Variants in ADK observed in about 807,000 individuals in gnomAD.
ADK encodes the protein adenosine kinase.
Under a neutral mutation model 44.7 loss-of-function variants are expected in ADK, and 24 were observed. That is an observed-to-expected ratio of 0.54 (90% CI 0.39 to 0.76). The LOEUF is 0.76. Among genes scored for constraint, ADK ranks in the 30% least tolerant of loss-of-function variants. The pLI is 0.00. For missense variants in ADK, 321 were observed against 425.1 expected (o/e 0.76, Z 2.15); for synonymous variants, 128 against 142.6 (o/e 0.90, Z 0.73).
intron 7 of ADK, among the ~76,000 whole-genome samples, chr10:74,532,024 A>G (rs1849305568): frequency 1.3e-5 from 2 of 152,238 alleles, no homozygotes; most frequent in South Asian, 4.1e-4. Context: ...AAATTCTTCA[A>G]ATAATTTTAG....
intron 7 of ADK, among the ~76,000 whole-genome samples, chr10:74,537,650 G>T (rs1292244260): frequency 6.6e-6 from 1 of 151,814 alleles, no homozygotes; most frequent in Non-Finnish European, 1.5e-5. Context: ...GCCTTTCAAG[G>T]CTCCATAATC....
intron 1 of ADK, among the ~76,000 whole-genome samples, chr10:74,191,572 G>A (rs1842953305): frequency 6.6e-6 from 1 of 152,046 alleles, no homozygotes; most frequent in Non-Finnish European, 1.5e-5. Flanking sequence ...TAATATATCT[G>A]TTTTTATATC....
chr10:74,378,508 A>G (rs949868435), intron 4 of ADK, among the ~76,000 whole-genome samples: 3 of 152,194 alleles, frequency 2.0e-5, no homozygotes, highest in East Asian at 3.8e-4. Context: ...GAATATCACC[A>G]GAATAAATTT....
Position 74,406,742 on chromosome 10 carries a change from G to A in ADK, c.555+8163G>A, listed in dbSNP as rs1037770762. ...GTCACCCAGGCTGGAGTGCAGTGGTGCAATCTTGGCTCACTGCAACCCCCG... is the reference window on the plus strand; with the variant it reads ...GTCACCCAGGCTGGAGTGCAGTGGTACAATCTTGGCTCACTGCAACCCCCG... On this transcript the variant is annotated intron_variant, in intron 6 of 10. Coordinates refer to ENST00000539909, the MANE Select transcript of ADK (RefSeq NM_006721.4). Among the ~76,000 whole-genome samples the A allele has an allele frequency of 3.2e-4, 49 of 151,450 alleles. No individual in the cohort carries two copies. The Middle Eastern group carries it at 0.014, about 42-fold the overall frequency.
In ADK at chr10:74,365,362, A is replaced by G. The variant is rs186210182; in HGVS notation, c.274-28779A>G. On this transcript the variant is annotated intron_variant, in intron 4 of 10. Transcript: ENST00000539909. ...TACCTATTCTGGAGGTTTCATATACATGAAATCATCACTATATGTGACCTT... is the reference window on the plus strand; with the variant it reads ...TACCTATTCTGGAGGTTTCATATACGTGAAATCATCACTATATGTGACCTT... Among the ~76,000 whole-genome samples the G allele has an allele frequency of 3.9e-5, 6 of 152,310 alleles. No individual in the cohort carries two copies. The East Asian group carries it at 1.2e-3, about 29-fold the overall frequency.
chr10:74,207,880 A>G (rs1049448132), intron 2 of ADK, among the ~76,000 whole-genome samples: 2 of 152,036 alleles, frequency 1.3e-5, no homozygotes, highest in African/African-American at 4.8e-5. Context: ...GCTGCCATCA[A>G]TCATGTTGTC....
intron 4 of ADK, among the ~76,000 whole-genome samples, chr10:74,374,142 G>A (rs371977662): frequency 4.6e-5 from 7 of 152,166 alleles, no homozygotes; most frequent in South Asian, 2.1e-4. Context: ...TGAGGTTTTC[G>A]GAAGTGATGA....
intron 1 of ADK, among the ~76,000 whole-genome samples, chr10:74,181,489 T>C (rs768362185): frequency 2.2e-4 from 34 of 152,224 alleles, no homozygotes; most frequent in Non-Finnish European, 4.9e-4. Flanking sequence ...TGATAGAACA[T>C]ATTTGATAAA....
At position 74,606,829 on chromosome 10, in the gene ADK, G is replaced by A. The variant is rs978117677; in HGVS notation, c.877+6336G>A. Among the ~76,000 whole-genome samples, 8 of 152,194 alleles carry A rather than the reference G, an allele frequency of 5.3e-5. No individual in the cohort carries two copies. The East Asian group carries it at 9.7e-4, about 18-fold the overall frequency. On this transcript the variant is annotated intron_variant, in intron 9 of 10. Coordinates refer to ENST00000539909, the MANE Select transcript of ADK (RefSeq NM_006721.4). ...TCGTTGATCTAATATTGACAGTGGG[G>A]TGTTAAAATCTCCCACTATTATTGT...
chr10:74,655,262 C>A (rs548859645), intron 9 of ADK: 13 of 453,904 alleles, frequency 2.9e-5, no homozygotes, highest in African/African-American at 2.5e-4. Flanking sequence ...CAGAAGTGAT[C>A]CAGTCTCACT....
intron 9 of ADK, among the ~76,000 whole-genome samples, chr10:74,633,850 A>G (rs1278690934): frequency 6.6e-6 from 1 of 152,184 alleles, no homozygotes; most frequent in Admixed American, 6.5e-5. Context: ...TAGCATGCCT[A>G]AAAGTTGGTA....
At chr10:74,606,202 T>C (rs1852318895) in intron 9 of ADK, among the ~76,000 whole-genome samples, 1 of 152,208 alleles carries the variant, frequency 6.6e-6, no homozygotes, top group African/African-American at 2.4e-5. Context: ...AGCTCCTGGA[T>C]TCATTGATTT....
chr10:74,218,849 A>G (rs1844171838), intron 2 of ADK, among the ~76,000 whole-genome samples: 1 of 152,216 alleles, frequency 6.6e-6, no homozygotes, highest in Non-Finnish European at 1.5e-5. Context: ...GGCCTGCCCT[A>G]AAAGAGCTCC....
Position 74,525,269 on chromosome 10 carries a change from C to T in ADK, c.569C>T (p.Thr190Ile), listed in dbSNP as rs1564772773. ...TTCTTCATCCAGGGCTTTTTTCTTA[C>T]AGTTTCCCCAGAGTCAGTATTAAAG... Reference protein sequence around the residue: ...RVCYIAGFFLTVSPESVLKVA... With the variant: ...RVCYIAGFFLIVSPESVLKVA... The change falls in exon 7 of 11, where the codon ACA becomes ATA. Residue 190 changes from threonine (T) to isoleucine (I), a missense_variant. By Grantham distance (89) the Thr-to-Ile change is moderately conservative (BLOSUM62 -1). Transcript: ENST00000539909. The T allele has an allele frequency of 1.9e-6, 3 of 1,613,678 alleles. No homozygotes were observed. The highest frequency in any genetic ancestry group is 2.5e-6 in the Non-Finnish European group (3 of 1,179,826).
chr10:74,436,432 A>G (rs1564721221), intron 6 of ADK, among the ~76,000 whole-genome samples: 1 of 151,882 alleles, frequency 6.6e-6, no homozygotes, highest in African/African-American at 2.4e-5. Flanking sequence ...AGTGGAATTG[A>G]ATCATCATAA....
At chr10:74,467,408 C>T (rs1043067980) in intron 6 of ADK, among the ~76,000 whole-genome samples, 4 of 152,102 alleles carry the variant, frequency 2.6e-5, no homozygotes, top group Non-Finnish European at 4.4e-5. Flanking sequence ...CATATGTTAA[C>T]GTGAAGTTAT....
chr10:74,253,726 A>AT (rs375260802), intron 3 of ADK, among the ~76,000 whole-genome samples: 4 of 150,702 alleles, frequency 2.7e-5, no homozygotes, highest in African/African-American at 9.8e-5. Context: ...GTAATAAGTT[A>AT]TAAAGAAGTT....
At chr10:74,325,267 A>C (rs527247735) in intron 4 of ADK, among the ~76,000 whole-genome samples, 134 of 152,020 alleles carry the variant, frequency 8.8e-4, no homozygotes, top group African/African-American at 3.1e-3. Flanking sequence ...GGAATTGTTT[A>C]CTTGATTTTT....
At position 74,303,588 on chromosome 10, in the gene ADK, G is replaced by GTTGTTTTTTTTTTT; in HGVS notation, c.195-11077_195-11076insGTTTTTTTTTTTTT. ...CACTTTTCATATTGGTTTTAATGTT[G>GTTGTTTTTTTTTTT]TTTTTTTTTTTTTTTTTTTTTTTTT... On this transcript the variant is annotated intron_variant, in intron 3 of 10. Transcript: ENST00000539909. Among the ~76,000 whole-genome samples, 115 of 68,582 alleles carry GTTGTTTTTTTTTTT rather than the reference G, an allele frequency of 1.7e-3. 5 individuals carry two copies. Among genetic ancestry groups the GTTGTTTTTTTTTTT allele is most frequent in the African/African-American group, 8.4e-3 (107 of 12,704 alleles). The allele number at this position is 68,582 out of a possible 152,430, so 45.0% of individuals were successfully genotyped here. A position where few individuals can be genotyped will look rare whatever the true frequency, so the allele number is the denominator to read the frequency against.
Sources: allele counts gnomAD v4.1 joint callset (sites outside exome capture counted in the v4.1 genomes callset), GRCh38; gene constraint gnomAD v4.1.1; transcripts MANE v1.5; gene names NCBI Gene and HGNC (gene_info 2026-07-23, HGNC 2026-07-21).